ZNF385D: variants seen among roughly 807,000 people sequenced by gnomAD.
The protein encoded by ZNF385D is zinc finger protein 659.
In ZNF385D, 15 loss-of-function variants were observed where a neutral mutation model predicts 35.8. That is an observed-to-expected ratio of 0.42 (90% confidence interval 0.28 to 0.64). The LOEUF is 0.64. ZNF385D is among the 30% of genes least tolerant of loss of function. The pLI is 0.23. For synonymous variants in ZNF385D, 212 were observed against 186.8 expected (o/e 1.13, Z -1.10); for missense variants, 474 against 494.6 (o/e 0.96, Z 0.39).
At chr3:21,776,906 T>C (rs1461224418) in intron 3 of ZNF385D, among the ~76,000 whole-genome samples, 2 of 151,960 alleles carry the variant, frequency 1.3e-5, no homozygotes, top group African/African-American at 2.4e-5. Context: ...TGAATACTAG[T>C]TCCAGAAAAG....
At chr3:21,806,474 G>C (rs920580147) in intron 3 of ZNF385D, among the ~76,000 whole-genome samples, 3 of 151,856 alleles carry the variant, frequency 2.0e-5, no homozygotes, top group African/African-American at 7.3e-5. Flanking sequence ...CAGAGTGCTG[G>C]GATTACAGGC....
chr3:21,821,935 C>T (rs913642517), intron 3 of ZNF385D, among the ~76,000 whole-genome samples: 3 of 139,728 alleles, frequency 2.1e-5, no homozygotes, highest in Non-Finnish European at 1.5e-5. Context: ...CACTGTACTC[C>T]AGCCTGAATG....
At chr3:21,751,648 A>ATG (rs1559585161), upstream of ZNF385D, among the ~76,000 whole-genome samples, 1 of 152,046 alleles carries the variant, frequency 6.6e-6, no homozygotes, top group African/African-American at 2.4e-5. Flanking sequence ...GTTTATATAT[A>ATG]AGAGGAATAA....
At chr3:22,084,563 C>T (rs1700928312) in intron 3 of ZNF385D, among the ~76,000 whole-genome samples, 1 of 152,130 alleles carries the variant, frequency 6.6e-6, no homozygotes, top group Non-Finnish European at 1.5e-5. Context: ...TACAGGAGCA[C>T]CCAGATTCAT....
At chr3:21,921,857 C>T (rs1332319918) in intron 3 of ZNF385D, among the ~76,000 whole-genome samples, 1 of 142,568 alleles carries the variant, frequency 7.0e-6, no homozygotes, top group Non-Finnish European at 1.5e-5. Context: ...AAAAAAAAGA[C>T]CCTACCAACC....
intron 3 of ZNF385D, among the ~76,000 whole-genome samples, chr3:22,021,898 C>T (rs1374598307): frequency 6.6e-6 from 1 of 151,960 alleles, no homozygotes; most frequent in Non-Finnish European, 1.5e-5. Flanking sequence ...TAGAATAATT[C>T]CCAGGTGATT....
At chr3:21,726,750 A>G (rs551142295) in intron 1 of ZNF385D, among the ~76,000 whole-genome samples, 20 of 152,266 alleles carry the variant, frequency 1.3e-4, no homozygotes, top group Middle Eastern at 3.4e-3. Context: ...TACTGCCCGA[A>G]GTGGTTTATA....
At chr3:22,062,618 C>T (rs946588447) in intron 3 of ZNF385D, among the ~76,000 whole-genome samples, 1 of 152,034 alleles carries the variant, frequency 6.6e-6, no homozygotes, top group African/African-American at 2.4e-5. Context: ...AAATTCTGAC[C>T]CCCTCGCCCC....
At position 21,539,986 on chromosome 3, in the gene ZNF385D, C is replaced by G. The variant is rs1207909162; in HGVS notation, c.276+24588G>C. On this transcript the variant is annotated intron_variant, in intron 3 of 7. Coordinates refer to ENST00000281523, the MANE Select transcript of ZNF385D (RefSeq NM_024697.3). This position sits in a 1 kb window ranked among gnomAD's most constrained non-coding sequence, Gnocchi z 4.0. ...AAGATACATATTCCCTAGCCCAAGC[C>G]AAAACATAAAACAAAAACCTAACTT... Among the ~76,000 whole-genome samples the G allele has an allele frequency of 2.6e-5, 4 of 151,924 alleles. No homozygotes were observed. Among genetic ancestry groups the G allele is most frequent in the Admixed American group, 1.3e-4 (2 of 15,248 alleles).
intron 3 of ZNF385D, among the ~76,000 whole-genome samples, chr3:22,031,328 T>TA (rs1445013979): frequency 1.3e-5 from 2 of 152,264 alleles, no homozygotes; most frequent in African/African-American, 4.8e-5. Flanking sequence ...TGAGGGGCTC[T>TA]GCCCCTGCAG....
At chr3:21,557,747 T>C (rs1227659238) in intron 3 of ZNF385D, among the ~76,000 whole-genome samples, 2 of 152,214 alleles carry the variant, frequency 1.3e-5, no homozygotes. Flanking sequence ...TACCACTTCC[T>C]TTTTGTACCT....
chr3:22,273,876 G>C (rs1013598498), intron 2 of ZNF385D, among the ~76,000 whole-genome samples: 1 of 151,882 alleles, frequency 6.6e-6, no homozygotes, highest in Non-Finnish European at 1.5e-5. Flanking sequence ...AAGGCAAAAA[G>C]GTGTGCTATA....
In ZNF385D at chr3:21,751,020, C is replaced by G; in HGVS notation, c.-104G>C. 6.2e-7 allele frequency: 1 copy of G among 1,600,636 alleles called. No homozygotes were observed. The highest frequency in any genetic ancestry group is 8.5e-7 in the Non-Finnish European group (1 of 1,173,522). On this transcript the variant is annotated 5_prime_UTR_variant, in exon 1 of 8. Transcript: ENST00000281523. The stretch of plus-strand genomic sequence containing the variant: ...TTCATGCTACATTCGGTGGAAATGT[C>G]CCCGGCGTGGAGAGCAGTGAGCGCC...
Position 22,001,318 on chromosome 3 carries a change from C to G in ZNF385D, c.325+167499G>C, listed in dbSNP as rs183566861. Reference sequence around the variant, plus strand: ...AAAAGATATTCCATGCAAATGGAAACCAAAAACAAGCAGGAGATACTAGTA... The same window carrying G: ...AAAAGATATTCCATGCAAATGGAAAGCAAAAACAAGCAGGAGATACTAGTA... On this transcript the variant is annotated intron_variant, in intron 3 of 5. Coordinates refer to the ZNF385D transcript ENST00000494108. Among the ~76,000 whole-genome samples, 40 of 90,114 alleles carry G rather than the reference C, an allele frequency of 4.4e-4. No individual in the cohort carries two copies. In the East Asian group the frequency reaches 8.1e-3, roughly 18 times the overall value. The allele number at this position is 90,114 out of a possible 152,430, so 59.1% of individuals were successfully genotyped here.
intron 3 of ZNF385D, among the ~76,000 whole-genome samples, chr3:21,774,974 T>G (rs11129021): frequency 0.45 from 68,470 of 151,642 alleles, 17,224 homozygotes; most frequent in Middle Eastern, 0.6. Flanking sequence ...AAGCCCTGAC[T>G]TGTATCATTT....
chr3:22,365,627 T>A (rs1294496645), intron 2 of ZNF385D, among the ~76,000 whole-genome samples: 1 of 152,072 alleles, frequency 6.6e-6, no homozygotes, highest in Non-Finnish European at 1.5e-5. Flanking sequence ...AATAAAGCAA[T>A]TAAGACTTTG....
At chr3:21,936,654 T>C (rs1296202794) in intron 3 of ZNF385D, among the ~76,000 whole-genome samples, 1 of 152,128 alleles carries the variant, frequency 6.6e-6, no homozygotes, top group African/African-American at 2.4e-5. Flanking sequence ...CTTCATCTTA[T>C]TTTACAGCCA....
Position 21,437,192 on chromosome 3 carries a change from C to T in ZNF385D, c.451G>A (p.Gly151Arg), listed in dbSNP as rs1701598417. ...GTCGTCGTTGATATTGCTGGTGTCC[C>T]TGCAGTACCGTCTGTATTCAAAATA... Reference protein sequence around the residue: ...TSSDKTDGTAGTPAISTTTTV... With the variant: ...TSSDKTDGTARTPAISTTTTV... The change falls in exon 5 of 8, where the codon GGG (glycine) becomes AGG (arginine). Residue 151 changes from glycine (G) to arginine (R), a missense_variant. Physicochemically the swap from Gly to Arg is moderately radical, Grantham distance 125 (BLOSUM62 -2). Transcript: ENST00000281523. 6.2e-7 allele frequency: 1 copy of T among 1,613,162 alleles called. No homozygotes were observed. The highest frequency in any genetic ancestry group is 1.3e-5 in the African/African-American group (1 of 74,884).
At position 21,420,958 on chromosome 3, in the gene ZNF385D, T is replaced by G. The variant is rs1186286572; in HGVS notation, c.*256A>C. Reference sequence around the variant, plus strand: ...AGGCTTCAGAAGGTCTAGATACCACTACAAATCAATGCTGGAGATCACTTC... The same window carrying G: ...AGGCTTCAGAAGGTCTAGATACCACGACAAATCAATGCTGGAGATCACTTC... On this transcript the variant is annotated 3_prime_UTR_variant, in exon 8 of 8. Coordinates refer to ENST00000281523, the MANE Select transcript of ZNF385D (RefSeq NM_024697.3). 1.1e-5 allele frequency: 5 copies of G among 463,294 alleles called. No individual in the cohort carries two copies. The Admixed American group carries it at 1.7e-4, about 16-fold the overall frequency. 28.7% of individuals were successfully genotyped at this position (463,294 alleles called of 1,614,324 possible).
Sources: gnomAD v4.1 joint callset for allele counts (sites outside exome capture counted in the v4.1 genomes callset) on GRCh38, gnomAD v4.1.1 for gene constraint, Gnocchi (gnomAD v3.1) non-coding constraint, MANE v1.5 for transcripts, NCBI Gene and HGNC (gene_info 2026-07-23, HGNC 2026-07-21) for gene names.